The following FHOD3 variants were observed in gnomAD, a reference collection of about 807,000 sequenced individuals.
FHOD3 encodes formin homology 2 domain containing 3, also known as FH1/FH2 domain-containing protein 3.
A neutral mutation model predicts 173.0 loss-of-function variants in FHOD3; 90 were observed. The ratio of observed to expected loss-of-function variants is 0.52; its 90% CI spans 0.44 to 0.62. The LOEUF is 0.62. Ranked by LOEUF, FHOD3 falls within the 20% of genes least tolerant of loss-of-function variation. The pLI is 0.00. For missense variants in FHOD3, 1,945 were observed against 2,034.7 expected (o/e 0.96, Z 0.85); for synonymous variants, 828 against 823.0 (o/e 1.01, Z -0.10).
rs368093080 is a variant in FHOD3, at chr18:36,478,884, G to T, written c.338-23048G>T. Reference sequence around the variant, plus strand: ...ACTATTGAAGATACTTTGTTATTCTGATCTTCTAGACTAAGACTTGAGTTC... The same window carrying T: ...ACTATTGAAGATACTTTGTTATTCTTATCTTCTAGACTAAGACTTGAGTTC... On this transcript the variant is annotated intron_variant, in intron 3 of 28. Coordinates refer to ENST00000590592, the MANE Select transcript of FHOD3 (RefSeq NM_001281740.3). Among the ~76,000 whole-genome samples, 20 of 152,020 alleles carry T rather than the reference G, an allele frequency of 1.3e-4. No homozygotes were observed. In the East Asian group the frequency reaches 2.5e-3, roughly 19 times the overall value.
intron 3 of FHOD3, among the ~76,000 whole-genome samples, chr18:36,497,638 A>G (rs1458868957): frequency 6.6e-6 from 1 of 152,222 alleles, no homozygotes; most frequent in Non-Finnish European, 1.5e-5. Context: ...TAAAAGTTCA[A>G]TACACCAAGA....
chr18:36,581,504 CTCTG>C (rs1313205273), intron 6 of FHOD3, among the ~76,000 whole-genome samples: 5 of 152,198 alleles, frequency 3.3e-5, no homozygotes, highest in Non-Finnish European at 7.3e-5. Context: ...GCTTGCCTTG[CTCTG>C]TCTAAGTTCC....
chr18:36,472,701 T>C (rs2053351869), intron 3 of FHOD3, among the ~76,000 whole-genome samples: 1 of 152,198 alleles, frequency 6.6e-6, no homozygotes, highest in South Asian at 2.1e-4. Context: ...CCACTTAACA[T>C]AGTGTTTTTT....
chr18:36,324,142 T>C (rs1159820382), intron 1 of FHOD3, among the ~76,000 whole-genome samples: 1 of 152,236 alleles, frequency 6.6e-6, no homozygotes, highest in Non-Finnish European at 1.5e-5. Context: ...AGATTTGTCC[T>C]TTCACTAAAT....
chr18:36,449,132 A>C (rs900691298), intron 3 of FHOD3, among the ~76,000 whole-genome samples: 2 of 152,100 alleles, frequency 1.3e-5, no homozygotes, highest in African/African-American at 4.8e-5. Flanking sequence ...TTCAGGTTGC[A>C]CAGCAAGGAC....
chr18:36,402,857 A>C (rs1331968553), intron 3 of FHOD3, among the ~76,000 whole-genome samples: 1 of 152,252 alleles, frequency 6.6e-6, no homozygotes, highest in Non-Finnish European at 1.5e-5. Context: ...GCAGAAAACC[A>C]AAGGTTTACA....
At chr18:36,700,123 T>C (rs2039501257) in intron 17 of FHOD3, among the ~76,000 whole-genome samples, 4 of 152,230 alleles carry the variant, frequency 2.6e-5, no homozygotes, top group Admixed American at 6.5e-5. Flanking sequence ...GAAGTTCCTC[T>C]CCAGCTCCTC....
At chr18:36,744,896 A>G (rs1183390673) in intron 23 of FHOD3, among the ~76,000 whole-genome samples, 3 of 152,222 alleles carry the variant, frequency 2.0e-5, no homozygotes, top group African/African-American at 7.2e-5. Context: ...TCTTAGGAGC[A>G]CAGGAAACTC....
chr18:36,742,652 G>A, intron 21 of FHOD3, 85 bp from the exon 22 acceptor site: 2 of 1,440,824 alleles, frequency 1.4e-6, no homozygotes, highest in East Asian at 2.3e-5. Flanking sequence ...AACACCGTGT[G>A]TTATTCCCTT....
intron 5 of FHOD3, among the ~76,000 whole-genome samples, chr18:36,549,632 G>A (rs2057560451): frequency 7.2e-6 from 1 of 139,830 alleles, no homozygotes; most frequent in Non-Finnish European, 1.5e-5. Flanking sequence ...CTGCCTCCCA[G>A]GTTCATGCCA....
At chr18:36,677,249 C>T (rs1466688798) in intron 14 of FHOD3, among the ~76,000 whole-genome samples, 2 of 152,024 alleles carry the variant, frequency 1.3e-5, no homozygotes, top group Non-Finnish European at 2.9e-5. Context: ...ACCTCCACCT[C>T]CCAGGTTCAA....
chr18:36,649,095 G>A (rs1336701003), intron 10 of FHOD3, among the ~76,000 whole-genome samples: 3 of 151,956 alleles, frequency 2.0e-5, no homozygotes, highest in Non-Finnish European at 2.9e-5. Flanking sequence ...ATCTCCACCC[G>A]ACGTTTAAAG....
chr18:36,639,662 C>CAAAAA lies in FHOD3; in HGVS notation c.1197-9644_1197-9640dup, dbSNP rs565028489. Among the ~76,000 whole-genome samples the CAAAAA allele has an allele frequency of 4.2e-4, 33 of 77,868 alleles. 1 individual carries two copies. Among genetic ancestry groups the CAAAAA allele is most frequent in the Admixed American group, 1.3e-3 (8 of 6,076 alleles). 51.1% of individuals were successfully genotyped at this position (77,868 alleles called of 152,430 possible). Reference sequence around the variant, plus strand: ...TGGGCGACAGAGCGAGACTCCATCTCAAAAAAAAAAAAAAGCTGGGCGTGG... The same window carrying CAAAAA: ...TGGGCGACAGAGCGAGACTCCATCTCAAAAAAAAAAAAAAAAAAAGCTGGGCGTGG... On this transcript the variant is annotated intron_variant, in intron 10 of 28. Transcript: ENST00000590592.
At chr18:36,609,965 C>T (rs989232145) in intron 8 of FHOD3, among the ~76,000 whole-genome samples, 3 of 152,158 alleles carry the variant, frequency 2.0e-5, no homozygotes, top group African/African-American at 4.8e-5. Context: ...GATTCCCTCA[C>T]CCTTTATGGT....
intron 3 of FHOD3, 75 bp from the exon 4 acceptor site, chr18:36,501,857 A>T (rs948977301): frequency 2.9e-6 from 3 of 1,039,818 alleles, no homozygotes; most frequent in Non-Finnish European, 2.8e-6. Flanking sequence ...TTTTGTTATC[A>T]TTCATATCCT....
At chr18:36,574,403 C>G (rs1034901732) in intron 5 of FHOD3, among the ~76,000 whole-genome samples, 1 of 151,970 alleles carries the variant, frequency 6.6e-6, no homozygotes, top group African/African-American at 2.4e-5. Flanking sequence ...TTTGTTGTCT[C>G]TCATATAAAA....
At chr18:36,452,630 A>G (rs911413071) in intron 3 of FHOD3, among the ~76,000 whole-genome samples, 1 of 151,646 alleles carries the variant, frequency 6.6e-6, no homozygotes, top group Non-Finnish European at 1.5e-5. Context: ...GGCAGCCACC[A>G]TTCTGCTCTC....
intron 14 of FHOD3, among the ~76,000 whole-genome samples, chr18:36,661,490 C>A (rs2036799093): frequency 6.6e-6 from 1 of 152,148 alleles, no homozygotes; most frequent in South Asian, 2.1e-4. Context: ...GATCATACCC[C>A]TGACTAATAA....
chr18:36,763,418 A>G (rs2042994483), intron 27 of FHOD3, among the ~76,000 whole-genome samples: 1 of 139,252 alleles, frequency 7.2e-6, no homozygotes, highest in African/African-American at 2.9e-5. Context: ...CACGTTATAT[A>G]TAATATGCGT....
Sources: allele counts gnomAD v4.1 joint callset (sites outside exome capture counted in the v4.1 genomes callset), GRCh38; gene constraint gnomAD v4.1.1; transcripts MANE v1.5; gene names NCBI Gene and HGNC (gene_info 2026-07-23, HGNC 2026-07-21).